Variants in PTPRG observed in about 807,000 individuals in gnomAD.
PTPRG encodes protein tyrosine phosphatase receptor type G, also known as receptor-type tyrosine-protein phosphatase gamma.
PTPRG carries 102 observed loss-of-function variants against 165.3 expected under a neutral mutation model. The observed-to-expected ratio is 0.62, with a 90% CI of 0.53 to 0.73. The LOEUF is 0.73. Ranked by LOEUF, PTPRG falls within the 30% of genes least tolerant of loss-of-function variation. The probability of loss-of-function intolerance (pLI) is 0.00; values close to 1 mark genes in which losing one functional copy is unlikely to be tolerated. For missense variants in PTPRG, 1,866 were observed against 1,861.4 expected (o/e 1.00, Z -0.05); for synonymous variants, 675 against 669.5 (o/e 1.01, Z -0.13).
At chr3:61,767,995 C>A (rs1478611145) in intron 2 of PTPRG, among the ~76,000 whole-genome samples, 3 of 136,552 alleles carry the variant, frequency 2.2e-5, no homozygotes, top group South Asian at 2.3e-4. Flanking sequence ...AAAAAAAAAT[C>A]TTGGTATTTA....
At chr3:62,221,702 G>A (rs148807789) in intron 13 of PTPRG, among the ~76,000 whole-genome samples, 199 of 152,306 alleles carry the variant, frequency 1.3e-3, no homozygotes, top group Non-Finnish European at 2.4e-3. Flanking sequence ...ATTTCTTCAG[G>A]AGGCAGGCCT....
chr3:61,827,874 T>C (rs2036156059), intron 2 of PTPRG, among the ~76,000 whole-genome samples: 1 of 152,192 alleles, frequency 6.6e-6, no homozygotes, highest in African/African-American at 2.4e-5. Flanking sequence ...ACCTTAAATA[T>C]GTCTATAACA....
intron 2 of PTPRG, among the ~76,000 whole-genome samples, chr3:61,953,486 G>C (rs954389558): frequency 6.6e-6 from 1 of 152,106 alleles, no homozygotes; most frequent in African/African-American, 2.4e-5. Context: ...TCTGGATGCC[G>C]GGCAGCACTT....
chr3:62,248,794 G>C (rs1277016235), intron 15 of PTPRG, among the ~76,000 whole-genome samples: 2 of 152,130 alleles, frequency 1.3e-5, no homozygotes, highest in Non-Finnish European at 1.5e-5. Context: ...TTTCTAATAA[G>C]AGCATTACAA....
chr3:62,089,800 A>C (rs1701870568), intron 5 of PTPRG, among the ~76,000 whole-genome samples: 1 of 152,204 alleles, frequency 6.6e-6, no homozygotes, highest in Non-Finnish European at 1.5e-5. Context: ...GTAGCTGTAT[A>C]AAAATGATAG....
At chr3:62,098,181 C>A (rs950937446) in intron 5 of PTPRG, among the ~76,000 whole-genome samples, 1 of 151,654 alleles carries the variant, frequency 6.6e-6, no homozygotes, top group Non-Finnish European at 1.5e-5. Flanking sequence ...TCTTTAAGAC[C>A]AGTACAAGCC....
rs1701493128 is a variant in PTPRG, at chr3:62,254,532, AT to A, written c.2468-590del. Among the ~76,000 whole-genome samples the A allele has an allele frequency of 6.6e-6, 1 of 152,168 alleles. No individual in the cohort carries two copies. Among genetic ancestry groups the A allele is most frequent in the African/African-American group, 2.4e-5 (1 of 41,444 alleles). On this transcript the variant is annotated intron_variant, in intron 15 of 29. Transcript: ENST00000474889. This position sits in a 1 kb window ranked among gnomAD's most constrained non-coding sequence, Gnocchi z 4.6. ...AAATCCAGTTAATTCAGTCAAACTG[AT>A]TATTTGGCATCATGTAGACACAGCT...
Position 62,229,300 on chromosome 3 carries a change from G to A in PTPRG, c.2289-1925G>A, listed in dbSNP as rs996004411. On this transcript the variant is annotated intron_variant, in intron 13 of 29. Transcript: ENST00000474889. This position sits in a 1 kb window ranked among gnomAD's most constrained non-coding sequence, Gnocchi z 4.6. ...TCTGGGTCACATGGCAGCTAATGCTGTGGATCCCAGGCAACTTTTTGCTCA... is the reference window on the plus strand; with the variant it reads ...TCTGGGTCACATGGCAGCTAATGCTATGGATCCCAGGCAACTTTTTGCTCA... 6.6e-6 allele frequency among the ~76,000 whole-genome samples: 1 copy of A among 152,132 alleles called. No homozygotes were observed. The highest frequency in any genetic ancestry group is 2.4e-5 in the African/African-American group (1 of 41,418).
At chr3:61,894,478 A>C (rs984567985) in intron 2 of PTPRG, among the ~76,000 whole-genome samples, 5 of 152,174 alleles carry the variant, frequency 3.3e-5, no homozygotes, top group Non-Finnish European at 5.9e-5. Context: ...GTTCATTAGT[A>C]ATAACAAAAC....
At chr3:61,802,296 G>A (rs552049683) in intron 2 of PTPRG, among the ~76,000 whole-genome samples, 2 of 152,256 alleles carry the variant, frequency 1.3e-5, no homozygotes, top group Non-Finnish European at 2.9e-5. Context: ...GGGAAGGTGT[G>A]ACCACTGAGA....
intron 2 of PTPRG, among the ~76,000 whole-genome samples, chr3:61,955,913 G>A (rs1013068720): frequency 6.6e-5 from 10 of 152,040 alleles, no homozygotes; most frequent in South Asian, 2.1e-4. Flanking sequence ...AATCTTATTT[G>A]TTCTTTACTC....
At chr3:61,762,295 G>A (rs566317826) in intron 2 of PTPRG, among the ~76,000 whole-genome samples, 1 of 152,150 alleles carries the variant, frequency 6.6e-6, no homozygotes, top group East Asian at 1.9e-4. Context: ...AAGGCCAATT[G>A]AGCTGCATAC....
At chr3:62,060,928 A>G (rs1479342177) in intron 4 of PTPRG, among the ~76,000 whole-genome samples, 5 of 152,186 alleles carry the variant, frequency 3.3e-5, no homozygotes, top group Admixed American at 3.3e-4. Context: ...CAGAATCAAC[A>G]TAGTTCTTTT....
intron 1 of PTPRG, among the ~76,000 whole-genome samples, chr3:61,645,458 C>T (rs1245976682): frequency 6.6e-6 from 1 of 152,218 alleles, no homozygotes; most frequent in African/African-American, 2.4e-5. Flanking sequence ...CGGGCTCCAC[C>T]AATCACATGC....
At chr3:62,050,250 A>T (rs1700429090) in intron 4 of PTPRG, among the ~76,000 whole-genome samples, 1 of 152,210 alleles carries the variant, frequency 6.6e-6, no homozygotes, top group South Asian at 2.1e-4. Context: ...TCAGAAGATT[A>T]TATTACTGTA....
chr3:61,672,156 T>C (rs1451712996), intron 1 of PTPRG, among the ~76,000 whole-genome samples: 2 of 135,320 alleles, frequency 1.5e-5, no homozygotes, highest in African/African-American at 2.8e-5. Context: ...ACTTCCCAGA[T>C]GTGATGGCGG....
chr3:62,067,968 A>T (rs191318806), intron 4 of PTPRG, among the ~76,000 whole-genome samples: 1 of 152,264 alleles, frequency 6.6e-6, no homozygotes, highest in East Asian at 1.9e-4. Flanking sequence ...CCCTAGAGAG[A>T]ACTAACAGGT....
At chr3:62,016,653 G>A (rs977012159) in intron 4 of PTPRG, among the ~76,000 whole-genome samples, 1 of 152,106 alleles carries the variant, frequency 6.6e-6, no homozygotes, top group Non-Finnish European at 1.5e-5. Context: ...TCTTTATCCA[G>A]TAACCAAAGC....
rs571395260 is a variant in PTPRG, at chr3:62,141,441, T to G, written c.682+8773T>G. 5.3e-5 allele frequency among the ~76,000 whole-genome samples: 8 copies of G among 151,884 alleles called. No homozygotes were observed. The South Asian group carries it at 1.7e-3, about 32-fold the overall frequency. On this transcript the variant is annotated intron_variant, in intron 6 of 29. Coordinates refer to ENST00000474889, the MANE Select transcript of PTPRG (RefSeq NM_002841.4). ...ATGGTGTTTTATCTCTACAAAAAAG[T>G]AAACAAAATTAGCCTGGCATGGTGG...
Sources: allele counts gnomAD v4.1 joint callset (sites outside exome capture counted in the v4.1 genomes callset), GRCh38; gene constraint gnomAD v4.1.1; non-coding constraint Gnocchi (gnomAD v3.1); transcripts MANE v1.5; gene names NCBI Gene and HGNC (gene_info 2026-07-23, HGNC 2026-07-21).